KXD1: variants seen among roughly 807,000 people sequenced by gnomAD.
KXD1 encodes kxDL motif-containing protein 1.
A neutral mutation model predicts 12.1 loss-of-function variants in KXD1; 5 were observed. The ratio of observed to expected loss-of-function variants is 0.41; its 90% confidence interval spans 0.22 to 0.87. KXD1 has a LOEUF of 0.87. Among genes scored for constraint, KXD1 ranks in the 40% least tolerant of loss-of-function variants. The probability of loss-of-function intolerance (pLI) is 0.31; values close to 1 mark genes in which losing one functional copy is unlikely to be tolerated. For missense variants in KXD1, 193 were observed against 244.9 expected (o/e 0.79, Z 1.41); for synonymous variants, 98 against 100.5 (o/e 0.98, Z 0.15).
In KXD1 at chr19:18,568,391, C is replaced by A. The variant is rs756069368; in HGVS notation, c.302-11C>A. ...GGTGACAAAACCAACTCTTGGGCCT[C>A]CTTCCCCCAGATATCCCAGAGGCAT... On this transcript the variant is annotated splice_polypyrimidine_tract_variant and intron_variant, in intron 4 of 4. Transcript: ENST00000222307. 2 of 1,607,402 alleles carry A rather than the reference C, an allele frequency of 1.2e-6. No individual in the cohort carries two copies. The highest frequency in any genetic ancestry group is 3.3e-5 in the Admixed American group (2 of 59,898).
At chr19:18,563,386 G>T (rs1340305931) in intron 2 of KXD1, among the ~76,000 whole-genome samples, 1 of 140,204 alleles carries the variant, frequency 7.1e-6, no homozygotes, top group African/African-American at 2.7e-5. Context: ...TCACTCTGTC[G>T]CCCAGGCTGG....
chr19:18,562,283 C>T (rs1305943362), intron 2 of KXD1, 126 bp downstream of exon 2: 1 of 693,578 alleles, frequency 1.4e-6, no homozygotes, highest in African/African-American at 1.8e-5. Flanking sequence ...AAATCTGTCG[C>T]TGGCTCCAAA....
intron 1 of KXD1, chr19:18,561,371 G>T (rs1287313146): frequency 6.6e-6 from 1 of 152,304 alleles, no homozygotes; most frequent in African/African-American, 2.4e-5. Flanking sequence ...TGGCCAAAAT[G>T]GTGAAACCCC....
intron 1 of KXD1, chr19:18,559,586 A>AGGCAG (rs1398892312): frequency 1.3e-5 from 2 of 152,166 alleles, no homozygotes; most frequent in African/African-American, 4.8e-5. Flanking sequence ...ATCAGAAGTC[A>AGGCAG]GGCAGAAATC....
Position 18,562,140 on chromosome 19 carries a change from C to T in KXD1, c.84C>T (p.Ile28=). ...ACACAGATGATGTCAACGCCATCAT[C>T]CTGGCCCAGAAGAACATGTGAGTGG... ...MVNTDDVNAI[I]LAQKNMLDRF... is the part of the protein sequence containing the mutation. The change falls in exon 2 of 5, where the codon ATC becomes ATT. Residue 28 remains isoleucine (I), a synonymous_variant. Transcript: ENST00000222307. 6.2e-7 allele frequency: 1 copy of T among 1,610,414 alleles called. No homozygotes were observed. The highest frequency in any genetic ancestry group is 8.5e-7 in the Non-Finnish European group (1 of 1,178,076).
At chr19:18,568,283 A>AT in intron 4 of KXD1, 119 bp from the exon 5 acceptor site, 1 of 665,896 alleles carries the variant, frequency 1.5e-6, no homozygotes, top group Non-Finnish European at 2.6e-6. Context: ...AAAAAAAAAA[A>AT]GGGTCAAGTC....
In KXD1 at chr19:18,568,582, C is replaced by A. The variant is rs1426358662; in HGVS notation, c.482C>A (p.Ala161Asp). The A allele has an allele frequency of 6.2e-7, 1 of 1,613,232 alleles. No homozygotes were observed. The highest frequency in any genetic ancestry group is 8.5e-7 in the Non-Finnish European group (1 of 1,180,036). Reference sequence around the variant, plus strand: ...TCCCATGTCCAGCCTGGCTCCCCAGCCATCAACGGCCGCAGCCAGACAGAT... The same window carrying A: ...TCCCATGTCCAGCCTGGCTCCCCAGACATCAACGGCCGCAGCCAGACAGAT... Reference protein sequence around the residue: ...DLSHVQPGSPAINGRSQTDDE... With the variant: ...DLSHVQPGSPDINGRSQTDDE... The change falls in exon 5 of 5, where the codon GCC becomes GAC. Residue 161 changes from alanine (A) to aspartate (D), a missense_variant. Physicochemically the swap from Ala to Asp is moderately radical, Grantham distance 126. Coordinates refer to ENST00000222307, the MANE Select transcript of KXD1 (RefSeq NM_024069.4).
chr19:18,568,826 TC>T lies in KXD1; in HGVS notation c.*196del, dbSNP rs1975389436. 1 of 592,198 alleles carries T rather than the reference TC, an allele frequency of 1.7e-6. No homozygotes were observed. The highest frequency in any genetic ancestry group is 1.9e-5 in the African/African-American group (1 of 53,682). The allele number at this position is 592,198 out of a possible 1,614,324, so 36.7% of individuals were successfully genotyped here. ...TCTTTAATTCTGGCTCCTTCCTTCCTCAGAACATCTCTATTCTGCAAGACCC... is the reference window on the plus strand; with the variant it reads ...TCTTTAATTCTGGCTCCTTCCTTCCTAGAACATCTCTATTCTGCAAGACCC... On this transcript the variant is annotated 3_prime_UTR_variant, in exon 5 of 5. Coordinates refer to ENST00000222307, the MANE Select transcript of KXD1 (RefSeq NM_024069.4).
intron 4 of KXD1, chr19:18,567,451 T>A (rs1451227901): frequency 5.7e-6 from 4 of 700,934 alleles, no homozygotes; most frequent in Non-Finnish European, 1.0e-5. Flanking sequence ...CTGTGTGCAT[T>A]ATGAGCCATC....
At chr19:18,562,532 C>T (rs1389563169) in intron 2 of KXD1, among the ~76,000 whole-genome samples, 1 of 152,232 alleles carries the variant, frequency 6.6e-6, no homozygotes. Context: ...GTGACCTTGC[C>T]TCACTGCAAC....
At position 18,568,643 on chromosome 19, in the gene KXD1, G is replaced by A. The variant is rs748353532; in HGVS notation, c.*12G>A. 19 of 1,592,330 alleles carry A rather than the reference G, an allele frequency of 1.2e-5. No homozygotes were observed. Among genetic ancestry groups the A allele is most frequent in the South Asian group, 3.3e-5 (3 of 90,652 alleles). ...TGACGGGCGAATAGCCCTGCTGCCCGGTGCCTTGAGGGGGTCTCAGGGCAG... is the reference window on the plus strand; with the variant it reads ...TGACGGGCGAATAGCCCTGCTGCCCAGTGCCTTGAGGGGGTCTCAGGGCAG... On this transcript the variant is annotated 3_prime_UTR_variant, in exon 5 of 5. Coordinates refer to ENST00000222307, the MANE Select transcript of KXD1 (RefSeq NM_024069.4).
rs769906719 is a variant in KXD1, at chr19:18,564,877, G to A, written c.110G>A (p.Arg37His). Reference sequence around the variant, plus strand: ...CCTCTCTCCACCATCAGGCTGGACCGCTTTGAGAAGACCAATGAGATGCTG... The same window carrying A: ...CCTCTCTCCACCATCAGGCTGGACCACTTTGAGAAGACCAATGAGATGCTG... ...IILAQKNMLD[R>H]FEKTNEMLLN... Residue 37 changes from arginine to histidine, a missense_variant, in exon 3 of 5, where the codon CGC becomes CAC. Transcript: ENST00000222307. 9.3e-6 allele frequency: 15 copies of A among 1,613,490 alleles called. No individual in the cohort carries two copies. Among genetic ancestry groups the A allele is most frequent in the African/African-American group, 1.3e-5 (1 of 74,932 alleles).
In KXD1 at chr19:18,565,234, T is replaced by G. The variant is rs1004554654; in HGVS notation, c.254+213T>G. On this transcript the variant is annotated intron_variant, in intron 3 of 4. Transcript: ENST00000222307. ...TGATTAATTGATCGAGACAGAGTTT[T>G]TTTTTTTTTTTTGGAGACGGAGTCT... 52 of 1,308,924 alleles carry G rather than the reference T, an allele frequency of 4.0e-5. No individual in the cohort carries two copies. The African/African-American group carries it at 7.6e-4, about 19-fold the overall frequency. 81.1% of individuals were successfully genotyped at this position (1,308,924 alleles called of 1,614,324 possible). A position where few individuals can be genotyped will look rare whatever the true frequency, so the allele number is the denominator to read the frequency against.
In KXD1 at chr19:18,562,067, C is replaced by G; in HGVS notation, c.11C>G (p.Pro4Arg). 6.2e-7 allele frequency: 1 copy of G among 1,612,522 alleles called. No homozygotes were observed. ...GAGGAGGAGAAAGAGATGGACCTCCCGGACTCGGCCTCGAGGGTCTTCTGC... is the reference window on the plus strand; with the variant it reads ...GAGGAGGAGAAAGAGATGGACCTCCGGGACTCGGCCTCGAGGGTCTTCTGC... Reference protein sequence around the residue: MDLPDSASRVFCGR... With the variant: MDLRDSASRVFCGR... The change falls in exon 2 of 5, where the codon CCG becomes CGG. Residue 4 changes from proline to arginine, a missense_variant. Coordinates refer to ENST00000222307, the MANE Select transcript of KXD1 (RefSeq NM_024069.4).
At chr19:18,567,365 C>T in intron 4 of KXD1, 187 bp downstream of exon 4, 1 of 656,206 alleles carries the variant, frequency 1.5e-6, no homozygotes. Flanking sequence ...GCAGAGTGGG[C>T]ACTAGGACGG....
rs533289985 is a variant in KXD1 at position 18,566,663 on chromosome 19, C to A, written c.255-469C>A. Among the ~76,000 whole-genome samples the A allele has an allele frequency of 2.0e-5, 3 of 151,474 alleles. No individual in the cohort carries two copies. The South Asian group carries it at 6.2e-4, about 32-fold the overall frequency. On this transcript the variant is annotated intron_variant, in intron 3 of 4. Transcript: ENST00000222307. ...AAAAAATCAGCTGAGCATGGTGGCA[C>A]GTGCCTGTAATCCCAGCTACTTGGG...
intron 2 of KXD1, among the ~76,000 whole-genome samples, chr19:18,562,471 TGTTTTTGAGACAGA>T (rs1271803292): frequency 6.6e-6 from 1 of 152,202 alleles, no homozygotes; most frequent in East Asian, 1.9e-4. Flanking sequence ...ATTTGTTTCT[TGTTTTTGAGACAGA>T]GTTTTGCTCT....
intron 1 of KXD1, chr19:18,560,625 T>C (rs1974886378): frequency 6.6e-6 from 1 of 152,232 alleles, no homozygotes; most frequent in African/African-American, 2.4e-5. Flanking sequence ...AAAGTTCTGT[T>C]GCCCTTCCCC....
In KXD1 at chr19:18,567,178, CGTAA is replaced by C. The variant is rs750781742; in HGVS notation, c.301+3_301+6del. 5.0e-6 allele frequency: 8 copies of C among 1,614,010 alleles called. No homozygotes were observed. The highest frequency in any genetic ancestry group is 1.1e-5 in the South Asian group (1 of 91,088). ...CAGGCAGCACCCAGAGGCCTTCAGCCGTAAGTGTCACGCAGGGTTCCTGCTCCCG... is the reference window on the plus strand; with the variant it reads ...CAGGCAGCACCCAGAGGCCTTCAGCCGTGTCACGCAGGGTTCCTGCTCCCG... On this transcript the variant is annotated splice_donor_variant and splice_donor_region_variant and intron_variant, in intron 4 of 4. Transcript: ENST00000222307. LOFTEE classifies it high-confidence loss of function.
Sources: gnomAD v4.1 joint callset for allele counts (sites outside exome capture counted in the v4.1 genomes callset) on GRCh38, gnomAD v4.1.1 for gene constraint, MANE v1.5 for transcripts, NCBI Gene and HGNC (gene_info 2026-07-23, HGNC 2026-07-21) for gene names.